The following FANCA variants were observed in gnomAD, a reference collection of about 807,000 sequenced individuals.
FANCA encodes the protein FA complementation group A.
FANCA carries 236 observed loss-of-function variants against 194.3 expected under a neutral mutation model. The ratio of observed to expected loss-of-function variants is 1.21; its 90% CI spans 1.09 to 1.35. FANCA has a LOEUF of 1.35. Among genes scored for constraint, FANCA ranks in the 40% most tolerant of loss-of-function variants. The pLI is 0.00. For synonymous variants in FANCA, 1,014 were observed against 715.8 expected, an observed-to-expected ratio of 1.42 and a Z score of -6.65; for missense variants, 2,628 against 1,813.9, an observed-to-expected ratio of 1.45 and a Z score of -8.15.
Position 89,738,874 on chromosome 16 carries a change from G to A in FANCA, c.4260+8C>T, listed in dbSNP as rs969373089. ...CCACATGGCCCAAGGTGGGCATCTT[G>A]ACGTTACCTCTGCCACGTGTGAGAA... On this transcript the variant is annotated splice_region_variant and intron_variant, in intron 42 of 42. Coordinates refer to ENST00000389301, the MANE Select transcript of FANCA (RefSeq NM_000135.4). The A allele has an allele frequency of 1.9e-6, 3 of 1,614,138 alleles. No homozygotes were observed. The highest frequency in any genetic ancestry group is 1.3e-5 in the African/African-American group (1 of 74,960).
intron 37 of FANCA, among the ~76,000 whole-genome samples, 195 bp downstream of exon 37, chr16:89,742,605 C>T (rs993240184): frequency 2.8e-5 from 4 of 141,286 alleles, no homozygotes; most frequent in Admixed American, 7.6e-5. Flanking sequence ...GTCAGGAGAT[C>T]GAGACCATCC....
intron 10 of FANCA, among the ~76,000 whole-genome samples, chr16:89,797,033 A>T (rs867232518): frequency 3.9e-5 from 6 of 152,226 alleles, no homozygotes; most frequent in Middle Eastern, 6.8e-3. Flanking sequence ...GGTGGTGGGC[A>T]CCTGTAGTTC....
At chr16:89,811,203 G>C (rs1423314996) in intron 3 of FANCA, 132 bp from the exon 4 acceptor site, 3 of 1,044,580 alleles carry the variant, frequency 2.9e-6, no homozygotes, top group Non-Finnish European at 4.3e-6. Context: ...GGGGAGAATA[G>C]ATGCAAAGGG....
intron 30 of FANCA, among the ~76,000 whole-genome samples, chr16:89,757,420 G>T (rs996628255): frequency 2.6e-5 from 4 of 152,116 alleles, no homozygotes; most frequent in African/African-American, 9.7e-5. Flanking sequence ...AAGAAGGAAG[G>T]GTATGCTGAT....
chr16:89,742,737 A>G, intron 37 of FANCA, 63 bp downstream of exon 37: 1 of 1,590,178 alleles, frequency 6.3e-7, no homozygotes, highest in Non-Finnish European at 8.6e-7. Context: ...AGCCCAGAGA[A>G]ATAGCACTGA....
chr16:89,793,982 C>T (rs2040160882), intron 11 of FANCA, among the ~76,000 whole-genome samples: 1 of 152,068 alleles, frequency 6.6e-6, no homozygotes, highest in Admixed American at 6.6e-5. Flanking sequence ...GAACTTCTGA[C>T]CTCGTGACCT....
chr16:89,816,058 TGGAC>T, intron 1 of FANCA, 72 bp from the exon 2 acceptor site: 3 of 1,183,612 alleles, frequency 2.5e-6, no homozygotes, highest in Non-Finnish European at 3.8e-6. Context: ...GACGCGCAGG[TGGAC>T]GCCGCGGAGA....
In FANCA at chr16:89,740,295, G is replaced by A. The variant is rs55667823; in HGVS notation, c.3829-196C>T. 1,399 of 605,542 alleles carry A rather than the reference G, an allele frequency of 2.3e-3. 12 individuals carry two copies. Among genetic ancestry groups the A allele is most frequent in the East Asian group, 2.6e-3 (90 of 35,252 alleles). 37.5% of individuals were successfully genotyped at this position (605,542 alleles called of 1,614,324 possible). On this transcript the variant is annotated intron_variant, in intron 38 of 42. Transcript: ENST00000389301. The stretch of plus-strand genomic sequence containing the variant: ...GCTCAGGTAGGAGGCCAGGGACTTC[G>A]AGCACCCACACCAAGGCTGCTGCAC...
chr16:89,775,735 A>T lies in FANCA; in HGVS notation c.1900+7T>A, dbSNP rs377401016. 132 of 1,609,204 alleles carry T rather than the reference A, an allele frequency of 8.2e-5. No homozygotes were observed. Among genetic ancestry groups the T allele is most frequent in the Middle Eastern group, 3.3e-4 (2 of 6,082 alleles). ...TCCCAGAGTGGACAAGCGGCCCAGG[A>T]ACTTACCTTCTGGCTTCTCTTCAGC... On this transcript the variant is annotated splice_region_variant and intron_variant, in intron 21 of 42. Transcript: ENST00000389301.
At position 89,803,331 on chromosome 16, in the gene FANCA, T is replaced by G. The variant is rs765389852; in HGVS notation, c.720A>C (p.Gln240His). ...VARAMLSDFV[Q>H]MFVLRGFQKN... Reference sequence around the variant, plus strand: ...TCTGAAATCCCCTCAAAACAAACATTTGAACAAAATCTGAAAAACCATAAA... The same window carrying G: ...TCTGAAATCCCCTCAAAACAAACATGTGAACAAAATCTGAAAAACCATAAA... The change falls in exon 8 of 43, where the codon CAA (glutamine) becomes CAC (histidine). Residue 240 changes from glutamine to histidine, a missense_variant. Coordinates refer to ENST00000389301, the MANE Select transcript of FANCA (RefSeq NM_000135.4). The G allele has an allele frequency of 2.0e-5, 33 of 1,613,954 alleles. No individual in the cohort carries two copies. In the South Asian group the frequency reaches 3.4e-4, roughly 17 times the overall value.
intron 11 of FANCA, among the ~76,000 whole-genome samples, chr16:89,793,777 G>T (rs1351338798): frequency 6.6e-6 from 1 of 152,058 alleles, no homozygotes; most frequent in Non-Finnish European, 1.5e-5. Flanking sequence ...TTGATGCTGA[G>T]TCTCACTCTG....
chr16:89,756,864 C>T (rs1324574792), intron 30 of FANCA, among the ~76,000 whole-genome samples: 1 of 152,180 alleles, frequency 6.6e-6, no homozygotes, highest in Non-Finnish European at 1.5e-5. Flanking sequence ...CGATGCATCC[C>T]TGCACTGTTA....
chr16:89,743,188 G>A (rs2062176083), intron 36 of FANCA, among the ~76,000 whole-genome samples: 1 of 152,182 alleles, frequency 6.6e-6, no homozygotes, highest in South Asian at 2.1e-4. Flanking sequence ...CAGCTGGCCT[G>A]GTCCTGTCTA....
At chr16:89,807,570 C>T (rs1159191525) in intron 6 of FANCA, among the ~76,000 whole-genome samples, 3 of 151,730 alleles carry the variant, frequency 2.0e-5, no homozygotes, top group African/African-American at 4.8e-5. Flanking sequence ...GCTAACATGG[C>T]GAAACCACAT....
chr16:89,785,106 G>A, intron 14 of FANCA, 142 bp from the exon 15 acceptor site: 1 of 714,564 alleles, frequency 1.4e-6, no homozygotes. Context: ...TGTGTGGAGA[G>A]AAGAGTGTGA....
chr16:89,752,415 G>A (rs1049590616), intron 30 of FANCA, among the ~76,000 whole-genome samples, 193 bp from the exon 31 acceptor site: 1 of 152,142 alleles, frequency 6.6e-6, no homozygotes, highest in African/African-American at 2.4e-5. Context: ...CAAAAATTAT[G>A]TACCATGACC....
intron 31 of FANCA, 88 bp from the exon 32 acceptor site, chr16:89,749,990 G>A: frequency 2.2e-6 from 3 of 1,380,934 alleles, no homozygotes; most frequent in Non-Finnish European, 3.1e-6. Context: ...GTCAGGGAGA[G>A]GTCTCCACAG....
rs1060501879 is a variant in FANCA, at chr16:89,791,458, C to T, written c.1304G>A (p.Arg435His). 3 of 1,614,114 alleles carry T rather than the reference C, an allele frequency of 1.9e-6. No individual in the cohort carries two copies. The highest frequency in any genetic ancestry group is 2.5e-6 in the Non-Finnish European group (3 of 1,180,008). The part of the protein sequence containing the change: ...DSMVTAFLVV[R>H]QAALEGPSAF... ...AGAGGGGCCCTCCAGTGCTGCCTGG[C>T]GCACAACCAGGAACGCAGTGACCAT... is the stretch of plus-strand genomic sequence containing the variant. Residue 435 changes from arginine to histidine, a missense_variant, in exon 14 of 43, where the codon CGC becomes CAC. By Grantham distance (29) the Arg-to-His change is conservative. Transcript: ENST00000389301.
At chr16:89,811,528 C>T (rs982465758) in intron 3 of FANCA, among the ~76,000 whole-genome samples, 6 of 152,130 alleles carry the variant, frequency 3.9e-5, no homozygotes, top group South Asian at 2.1e-4. Flanking sequence ...CTGCCATGCA[C>T]CTGGTGGGCA....
Sources: gnomAD v4.1 joint callset for allele counts (sites outside exome capture counted in the v4.1 genomes callset) on GRCh38, gnomAD v4.1.1 for gene constraint, MANE v1.5 for transcripts, NCBI Gene and HGNC (gene_info 2026-07-23, HGNC 2026-07-21) for gene names.